Variants in ARPC1A observed in about 807,000 individuals in gnomAD.
ARPC1A encodes the protein actin related protein 2/3 complex subunit 1A.
A neutral mutation model predicts 46.9 loss-of-function variants in ARPC1A; 8 were observed. That is an observed-to-expected ratio of 0.17 (90% CI 0.10 to 0.31). The LOEUF is 0.31. Among genes scored for constraint, ARPC1A ranks in the 10% least tolerant of loss-of-function variants. The pLI is 1.00. For missense variants in ARPC1A, 286 were observed against 483.6 expected (o/e 0.59, Z 3.83); for synonymous variants, 152 against 169.0 (o/e 0.90, Z 0.78).
chr7:99,334,515 C>T lies in ARPC1A; in HGVS notation c.64+1098C>T, dbSNP rs188046603. 2.6e-5 allele frequency among the ~76,000 whole-genome samples: 4 copies of T among 152,278 alleles called. No individual in the cohort carries two copies. In the East Asian group the frequency reaches 7.7e-4, roughly 29 times the overall value. On this transcript the variant is annotated intron_variant, in intron 2 of 9. Coordinates refer to ENST00000262942, the MANE Select transcript of ARPC1A (RefSeq NM_006409.4). The stretch of plus-strand genomic sequence containing the variant: ...ACCATTGCATAATCCAGGATCACAA[C>T]AATGTGTGCCTATGCCTGTGTTTCC...
intron 7 of ARPC1A, 46 bp from the exon 8 acceptor site, chr7:99,359,499 G>T (rs1236941798): frequency 6.3e-7 from 1 of 1,595,816 alleles, no homozygotes; most frequent in South Asian, 1.1e-5. Flanking sequence ...AAGGAGGTGG[G>T]CGGTGGGCAG....
chr7:99,342,725 T>C (rs1166888483), intron 3 of ARPC1A, among the ~76,000 whole-genome samples: 1 of 140,950 alleles, frequency 7.1e-6, no homozygotes, highest in Non-Finnish European at 1.5e-5. Context: ...ACTTTTTTTT[T>C]TTTTTTTTTT....
chr7:99,358,607 C>CT, intron 7 of ARPC1A, 192 bp downstream of exon 7: 4 of 515,724 alleles, frequency 7.8e-6, no homozygotes, highest in Non-Finnish European at 9.9e-6. Context: ...AATGGGTGAT[C>CT]TTGACTCACC....
At chr7:99,330,109 A>G (rs563663257) in intron 1 of ARPC1A, among the ~76,000 whole-genome samples, 1 of 152,152 alleles carries the variant, frequency 6.6e-6, no homozygotes, top group East Asian at 1.9e-4. Flanking sequence ...TGCATTTAAA[A>G]TTTTTTTAAA....
At chr7:99,340,012 A>G (rs564673811) in intron 3 of ARPC1A, 179 of 456,200 alleles carry the variant, frequency 3.9e-4, no homozygotes, top group Middle Eastern at 3.6e-3. Flanking sequence ...TTGCTTCTGT[A>G]AGTTGTATTT....
intron 6 of ARPC1A, among the ~76,000 whole-genome samples, chr7:99,355,972 G>A (rs963289568): frequency 6.6e-6 from 1 of 152,210 alleles, no homozygotes; most frequent in Non-Finnish European, 1.5e-5. Context: ...TGAGTGGCGT[G>A]TCTGTTCAGC....
At chr7:99,333,181 C>A in intron 1 of ARPC1A, 144 bp from the exon 2 acceptor site, 1 of 613,882 alleles carries the variant, frequency 1.6e-6, no homozygotes. Flanking sequence ...AAGCGTGAGC[C>A]ACCGTGCCTG....
chr7:99,355,073 C>T (rs1384861999), intron 6 of ARPC1A, among the ~76,000 whole-genome samples: 1 of 149,958 alleles, frequency 6.7e-6, no homozygotes, highest in Non-Finnish European at 1.5e-5. Context: ...AAGATTGCAC[C>T]ACTGTACTCC....
intron 7 of ARPC1A, among the ~76,000 whole-genome samples, chr7:99,358,991 C>T (rs758620606): frequency 4.0e-5 from 6 of 151,742 alleles, no homozygotes; most frequent in Non-Finnish European, 8.8e-5. Flanking sequence ...GCCACCTCGC[C>T]GGGCTAATTT....
intron 9 of ARPC1A, among the ~76,000 whole-genome samples, chr7:99,364,492 GAACTCCC>G (rs940281795): frequency 2.6e-5 from 4 of 151,438 alleles, no homozygotes; most frequent in Admixed American, 2.6e-4. Flanking sequence ...TGCTGGTCTC[GAACTCCC>G]AACCTCAGGT....
rs763426021 is a variant in ARPC1A, at chr7:99,359,700, C to T, written c.945C>T (p.Arg315=). Residue 315 remains arginine (R), a synonymous_variant, in exon 8 of 10, where the codon CGC becomes CGT. Transcript: ENST00000262942. The stretch of plus-strand genomic sequence containing the variant: ...ACAAGAGAGCCACAACTGAGGACCG[C>T]AACACGGCCTTGGAGACGCTGCACC... ...NMDKRATTED[R]NTALETLHQN... 29 of 1,614,074 alleles carry T rather than the reference C, an allele frequency of 1.8e-5. No homozygotes were observed. The highest frequency in any genetic ancestry group is 2.2e-5 in the Non-Finnish European group (26 of 1,180,052).
intron 7 of ARPC1A, among the ~76,000 whole-genome samples, chr7:99,359,023 G>A (rs1335959620): frequency 6.6e-6 from 1 of 150,878 alleles, no homozygotes; most frequent in Non-Finnish European, 1.5e-5. Flanking sequence ...AGTAGAGATG[G>A]GGTTTCACCA....
chr7:99,348,826 A>G (rs1562800211), intron 4 of ARPC1A, 26 bp from the exon 5 acceptor site: 1 of 1,597,662 alleles, frequency 6.3e-7, no homozygotes, highest in Admixed American at 1.7e-5. Context: ...GAGTGGATAA[A>G]CTGAAACAGT....
intron 1 of ARPC1A, 99 bp from the exon 2 acceptor site, chr7:99,333,222 TTTTA>T: frequency 1.3e-6 from 1 of 761,342 alleles, no homozygotes. Context: ...GAGGACAATG[TTTTA>T]TTTATTTCCG....
chr7:99,335,573 T>G, intron 2 of ARPC1A: 1 of 289,142 alleles, frequency 3.5e-6, no homozygotes, highest in Non-Finnish European at 6.9e-6. Context: ...TCCATATGAA[T>G]TTTAGGATCA....
chr7:99,358,237 AC>A (rs1219659114), intron 6 of ARPC1A, 102 bp from the exon 7 acceptor site: 5 of 1,129,388 alleles, frequency 4.4e-6, no homozygotes, highest in Non-Finnish European at 6.5e-6. Flanking sequence ...GCCCATTGAT[AC>A]TGCAGAAGCC....
At chr7:99,362,220 G>C (rs1391131660) in intron 8 of ARPC1A, among the ~76,000 whole-genome samples, 2 of 151,692 alleles carry the variant, frequency 1.3e-5, no homozygotes, top group East Asian at 3.9e-4. Flanking sequence ...CTTGAACCTG[G>C]GAGGTAGAGG....
At position 99,363,354 on chromosome 7, in the gene ARPC1A, A is replaced by G. The variant is rs1793774311; in HGVS notation, c.984-189A>G. 1.3e-5 allele frequency: 7 copies of G among 556,680 alleles called. No individual in the cohort carries two copies. In the East Asian group the frequency reaches 2.4e-4, roughly 19 times the overall value. The allele number at this position is 556,680 out of a possible 1,614,324, so 34.5% of individuals were successfully genotyped here. On this transcript the variant is annotated intron_variant, in intron 8 of 9. Transcript: ENST00000262942. ...CAGCATTTTGGGAGACTGAGGCAGG[A>G]GGATCACTTGAGCCCAGGAGTTCAA... is the stretch of plus-strand genomic sequence containing the variant.
intron 8 of ARPC1A, among the ~76,000 whole-genome samples, chr7:99,363,071 C>T (rs1419543564): frequency 6.6e-6 from 1 of 152,148 alleles, no homozygotes; most frequent in Non-Finnish European, 1.5e-5. Flanking sequence ...TGGCTGTGGT[C>T]CTACCCACAA....
Sources: gnomAD v4.1 joint callset for allele counts (sites outside exome capture counted in the v4.1 genomes callset) on GRCh38, gnomAD v4.1.1 for gene constraint, MANE v1.5 for transcripts, NCBI Gene and HGNC (gene_info 2026-07-23, HGNC 2026-07-21) for gene names.